The following GABRB1 variants were observed in gnomAD, a reference collection of about 807,000 sequenced individuals.
GABRB1 encodes gamma-aminobutyric acid receptor subunit beta-1.
GABRB1 carries 17 observed loss-of-function variants against 51.6 expected under a neutral mutation model. That is an observed-to-expected ratio of 0.33 (90% CI 0.23 to 0.49). The LOEUF (loss-of-function observed/expected upper bound fraction) is 0.49. Ranked by LOEUF, GABRB1 falls within the 20% of genes least tolerant of loss-of-function variation. The pLI, the probability that GABRB1 is intolerant of heterozygous loss-of-function variation, is 0.99. For missense variants in GABRB1, 410 were observed against 600.6 expected, an observed-to-expected ratio of 0.68 and a Z score of 3.32; for synonymous variants, 247 against 218.9, an observed-to-expected ratio of 1.13 and a Z score of -1.14.
chr4:47,052,584 G>A (rs1192245979), intron 3 of GABRB1, among the ~76,000 whole-genome samples: 1 of 152,190 alleles, frequency 6.6e-6, no homozygotes, highest in Non-Finnish European at 1.5e-5. Context: ...CATTTGTACT[G>A]TGGCCTTTAA....
At chr4:47,197,563 G>GTC (rs1199212631) in intron 4 of GABRB1, among the ~76,000 whole-genome samples, 2 of 152,130 alleles carry the variant, frequency 1.3e-5, no homozygotes, top group African/African-American at 4.8e-5. Context: ...TACAATATAA[G>GTC]CAGCTTCTGG....
At chr4:47,018,448 C>T (rs1032889511) in intron 1 of GABRB1, among the ~76,000 whole-genome samples, 1 of 152,114 alleles carries the variant, frequency 6.6e-6, no homozygotes, top group Non-Finnish European at 1.5e-5. Flanking sequence ...GCCACAAAAA[C>T]AGTATGATAA....
chr4:47,370,250 T>G (rs995964627), intron 5 of GABRB1, among the ~76,000 whole-genome samples: 3 of 152,138 alleles, frequency 2.0e-5, no homozygotes, highest in African/African-American at 7.2e-5. Flanking sequence ...GCACGTTGGG[T>G]GGCCGAGGCG....
rs572901853 is a variant in GABRB1 at position 47,272,171 on chromosome 4, C to T, written c.462-47956C>T. 3.9e-5 allele frequency among the ~76,000 whole-genome samples: 6 copies of T among 152,224 alleles called. No homozygotes were observed. In the South Asian group the frequency reaches 1.2e-3, roughly 32 times the overall value. ...GTATTCAACTCCTGTGCTGTATATT[C>T]CTGCACTTAACTAGTAGATTTTAAT... On this transcript the variant is annotated intron_variant, in intron 4 of 8. Coordinates refer to ENST00000295454, the MANE Select transcript of GABRB1 (RefSeq NM_000812.4).
chr4:47,406,364 G>A (rs75644011), intron 7 of GABRB1, among the ~76,000 whole-genome samples: 4,898 of 152,248 alleles, frequency 0.032, 282 homozygotes, highest in African/African-American at 0.11. Context: ...CAAAGTGAGC[G>A]ACATTCAATA....
intron 3 of GABRB1, among the ~76,000 whole-genome samples, chr4:47,089,993 G>T (rs1728228948): frequency 6.6e-6 from 1 of 152,142 alleles, no homozygotes. Flanking sequence ...ACTAGAAAGT[G>T]ATTTCTGGCT....
chr4:47,403,426 T>C lies in GABRB1; in HGVS notation c.653T>C (p.Met218Thr). The C allele has an allele frequency of 1.2e-6, 2 of 1,614,070 alleles. No individual in the cohort carries two copies. The highest frequency in any genetic ancestry group is 1.7e-6 in the Non-Finnish European group (2 of 1,179,944). ...CAATTTTCAATTGTTGACTACAAGA[T>C]GGTGTCTAAGAAGGTGGAGTTCACA... ...LPQFSIVDYK[M>T]VSKKVEFTTG... is the part of the protein sequence containing the mutation. The change falls in exon 6 of 9, where the codon ATG becomes ACG. Residue 218 changes from methionine (M) to threonine (T), a missense_variant. By Grantham distance (81) the Met-to-Thr change is moderately conservative. Coordinates refer to ENST00000295454, the MANE Select transcript of GABRB1 (RefSeq NM_000812.4).
chr4:47,061,712 G>A (rs566063956), intron 3 of GABRB1, among the ~76,000 whole-genome samples: 4 of 152,246 alleles, frequency 2.6e-5, no homozygotes, highest in East Asian at 1.9e-4. Context: ...CAAACGTCTC[G>A]TCTTCAAAGT....
chr4:47,021,899 A>G (rs1302053278), intron 1 of GABRB1, among the ~76,000 whole-genome samples: 3 of 152,096 alleles, frequency 2.0e-5, no homozygotes, highest in Non-Finnish European at 4.4e-5. Context: ...AAAAAGACTT[A>G]AAACAGGGCC....
At chr4:47,153,204 A>G (rs2109721425) in intron 3 of GABRB1, among the ~76,000 whole-genome samples, 1 of 152,192 alleles carries the variant, frequency 6.6e-6, no homozygotes, top group East Asian at 1.9e-4. Context: ...AGCATCTGGC[A>G]TAATACAATC....
chr4:47,168,257 C>T (rs1381313995), intron 4 of GABRB1, among the ~76,000 whole-genome samples: 1 of 152,096 alleles, frequency 6.6e-6, no homozygotes, highest in African/African-American at 2.4e-5. Flanking sequence ...TACTATTAAG[C>T]TAATACTAAA....
chr4:47,160,647 A>G (rs1369341445), intron 3 of GABRB1, among the ~76,000 whole-genome samples: 1 of 152,080 alleles, frequency 6.6e-6, no homozygotes, highest in African/African-American at 2.4e-5. Context: ...GGCCTTCCCC[A>G]TGACATCATT....
chr4:47,132,093 G>A (rs745492105), intron 3 of GABRB1, among the ~76,000 whole-genome samples: 4 of 151,850 alleles, frequency 2.6e-5, no homozygotes, highest in Admixed American at 1.3e-4. Context: ...TAAATGCAGG[G>A]GTATTGAAGA....
At chr4:47,000,673 CA>C (rs1560491534) in intron 1 of GABRB1, among the ~76,000 whole-genome samples, 1 of 152,164 alleles carries the variant, frequency 6.6e-6, no homozygotes, top group African/African-American at 2.4e-5. Flanking sequence ...TTCAGATAGA[CA>C]GGGGGAATTG....
chr4:47,339,796 G>T (rs1418066942), intron 5 of GABRB1, among the ~76,000 whole-genome samples: 3 of 142,730 alleles, frequency 2.1e-5, no homozygotes, highest in Non-Finnish European at 4.5e-5. Context: ...TGAACAGGTT[G>T]TTTTCATAGA....
intron 4 of GABRB1, among the ~76,000 whole-genome samples, chr4:47,307,636 T>C (rs1488494508): frequency 6.6e-6 from 1 of 152,022 alleles, no homozygotes; most frequent in South Asian, 2.1e-4. Context: ...ACAACACAAA[T>C]TTATTCATCT....
chr4:47,025,250 G>A (rs949436555), intron 1 of GABRB1, among the ~76,000 whole-genome samples: 2 of 151,462 alleles, frequency 1.3e-5, no homozygotes, highest in African/African-American at 4.8e-5. Context: ...ATTTTCCTCT[G>A]GGTAAATACC....
chr4:47,417,068 A>G (rs1279193860), intron 8 of GABRB1, among the ~76,000 whole-genome samples: 5 of 152,366 alleles, frequency 3.3e-5, no homozygotes, highest in East Asian at 3.9e-4. Context: ...GGATAAATGT[A>G]TCTACCTGAG....
intron 3 of GABRB1, among the ~76,000 whole-genome samples, chr4:47,125,545 A>G (rs57143330): frequency 0.029 from 3,994 of 136,984 alleles, 315 homozygotes; most frequent in East Asian, 0.16. Context: ...TCTAGACACA[A>G]CAAAGTATAA....
Sources: allele counts gnomAD v4.1 joint callset (sites outside exome capture counted in the v4.1 genomes callset), GRCh38; gene constraint gnomAD v4.1.1; transcripts MANE v1.5; gene names NCBI Gene and HGNC (gene_info 2026-07-23, HGNC 2026-07-21).